The following CHD1L variants were observed in gnomAD, a reference collection of about 807,000 sequenced individuals.
CHD1L encodes chromodomain helicase DNA binding protein 1 like, also known as ATP-dependent chromatin remodeler CHD1L.
Under a neutral mutation model 115.9 loss-of-function variants are expected in CHD1L, and 118 were observed. The observed-to-expected ratio is 1.02, with a 90% confidence interval of 0.88 to 1.19. The LOEUF is 1.19. CHD1L is among the 50% of genes most tolerant of loss of function. CHD1L has a pLI of 0.00. For missense variants in CHD1L, 1,179 were observed against 1,065.3 expected (o/e 1.11, Z -1.49); for synonymous variants, 411 against 387.1 (o/e 1.06, Z -0.72).
chr1:147,223,978 A>C, the CHD1L span: 1 of 409,400 alleles, frequency 2.4e-6, no homozygotes, highest in Non-Finnish European at 4.8e-6. Context: ...GGGTTAACAC[A>C]ATCACCACCT....
chr1:147,285,630 A>T, intron 17 of CHD1L, 143 bp downstream of exon 17: 1 of 954,244 alleles, frequency 1.0e-6, no homozygotes, highest in Non-Finnish European at 1.6e-6. Context: ...TTCTGAAAAC[A>T]TTTCCTCTAG....
chr1:147,295,222 T>C (rs1553975790), intron 22 of CHD1L, among the ~76,000 whole-genome samples: 1 of 152,232 alleles, frequency 6.6e-6, no homozygotes, highest in Non-Finnish European at 1.5e-5. Flanking sequence ...TTTATGTGCT[T>C]GCACAATTCG....
At position 147,264,376 on chromosome 1, in the gene CHD1L, A is replaced by C. The variant is rs150672555; in HGVS notation, c.577-46A>C. ...GTTGTGATGGGTAACTCAGCCTTGCATTCCAGTGTTATGGAATTTTTATTT... is the reference window on the plus strand; with the variant it reads ...GTTGTGATGGGTAACTCAGCCTTGCCTTCCAGTGTTATGGAATTTTTATTT... On this transcript the variant is annotated intron_variant, in intron 6 of 22. Coordinates refer to ENST00000369258, the MANE Select transcript of CHD1L (RefSeq NM_004284.6). 4,256 of 1,506,792 alleles carry C rather than the reference A, an allele frequency of 2.8e-3. 11 individuals carry two copies. Among genetic ancestry groups the C allele is most frequent in the Non-Finnish European group, 3.5e-3 (3,897 of 1,117,416 alleles). 93.3% of individuals were successfully genotyped at this position (1,506,792 alleles called of 1,614,324 possible).
At chr1:147,250,809 G>A (rs72999623) in intron 1 of CHD1L, among the ~76,000 whole-genome samples, 1 of 151,980 alleles carries the variant, frequency 6.6e-6, no homozygotes, top group Non-Finnish European at 1.5e-5. Flanking sequence ...TGTGAGGGGT[G>A]GGGGTGGTAT....
intron 15 of CHD1L, among the ~76,000 whole-genome samples, chr1:147,281,391 C>T (rs1397351137): frequency 1.3e-5 from 2 of 152,088 alleles, no homozygotes; most frequent in Non-Finnish European, 2.9e-5. Context: ...GTTCATTTCT[C>T]TTAACTTCCA....
the CHD1L span, among the ~76,000 whole-genome samples, chr1:147,228,009 C>CT: frequency 0.021 from 3,171 of 148,448 alleles, 70 homozygotes; most frequent in African/African-American, 0.048. Context: ...ATGGAGGCCA[C>CT]TTTTTTTTTT....
the CHD1L span, chr1:147,215,383 G>A: frequency 1.2e-5 from 2 of 171,642 alleles, no homozygotes; most frequent in African/African-American, 4.7e-5. Context: ...AGTACAAAAG[G>A]GCTAAGCAGT....
chr1:147,189,513 G>A, the CHD1L span, among the ~76,000 whole-genome samples: 1 of 152,052 alleles, frequency 6.6e-6, no homozygotes, highest in Non-Finnish European at 1.5e-5. Context: ...ACCTCTTTAG[G>A]CCTGGAATGA....
chr1:147,212,346 CTG>C, the CHD1L span: 1 of 1,600,000 alleles, frequency 6.3e-7, no homozygotes, highest in African/African-American at 1.3e-5. Flanking sequence ...CTTGGAGAAA[CTG>C]AAGCTAGAGT....
chr1:147,200,697 A>T, the CHD1L span, among the ~76,000 whole-genome samples: 1 of 152,184 alleles, frequency 6.6e-6, no homozygotes, highest in Non-Finnish European at 1.5e-5. Context: ...CTAGTCTGCA[A>T]CCAGGTCTTA....
the CHD1L span, chr1:147,184,443 C>CT: frequency 3.6e-6 from 5 of 1,386,232 alleles, no homozygotes; most frequent in Non-Finnish European, 2.8e-6. This position sits in a 1 kb window ranked among gnomAD's most constrained non-coding sequence, Gnocchi z 4.4. Context: ...ACTTAAAGTT[C>CT]TTTTTCTGTT....
At chr1:147,291,014 T>C (rs1004317462) in intron 19 of CHD1L, among the ~76,000 whole-genome samples, 2 of 152,204 alleles carry the variant, frequency 1.3e-5, no homozygotes, top group African/African-American at 4.8e-5. Context: ...CACATCAGCT[T>C]ATGTAAAGCC....
At position 147,275,488 on chromosome 1, in the gene CHD1L, T is replaced by G; in HGVS notation, c.1385+20T>G. 1.3e-6 allele frequency: 2 copies of G among 1,583,076 alleles called. No individual in the cohort carries two copies. Among genetic ancestry groups the G allele is most frequent in the Non-Finnish European group, 1.7e-6 (2 of 1,151,736 alleles). ...AAACAAGTAAGTGATTTTTTTCTGCTTCCTTGGCTTGCCCAGCAGCAGTTC... is the reference window on the plus strand; with the variant it reads ...AAACAAGTAAGTGATTTTTTTCTGCGTCCTTGGCTTGCCCAGCAGCAGTTC... On this transcript the variant is annotated intron_variant, in intron 13 of 22. Coordinates refer to ENST00000369258, the MANE Select transcript of CHD1L (RefSeq NM_004284.6).
chr1:147,252,752 C>T lies in CHD1L; in HGVS notation c.240+17C>T, dbSNP rs587733875. 9.0e-6 allele frequency: 14 copies of T among 1,557,068 alleles called. No individual in the cohort carries two copies. Among genetic ancestry groups the T allele is most frequent in the East Asian group, 6.7e-5 (3 of 44,568 alleles). On this transcript the variant is annotated intron_variant, in intron 2 of 22. Transcript: ENST00000369258. The stretch of plus-strand genomic sequence containing the variant: ...ACCTGCCAGGTGTGTTACTATGCGA[C>T]GAGTACTGCTCACCGCCACTGCGAT...
the CHD1L span, among the ~76,000 whole-genome samples, chr1:147,235,916 A>G: frequency 0.58 from 88,702 of 152,086 alleles, 27,907 homozygotes; most frequent in East Asian, 0.87. Context: ...AGTTTTGCTC[A>G]AGCCTATTGG....
the CHD1L span, chr1:147,179,185 G>C: frequency 1.2e-6 from 2 of 1,614,144 alleles, no homozygotes; most frequent in Non-Finnish European, 1.7e-6. Context: ...GGATTACTTT[G>C]ATGGCAATCT....
At chr1:147,231,970 T>A in the CHD1L span, among the ~76,000 whole-genome samples, 1 of 152,238 alleles carries the variant, frequency 6.6e-6, no homozygotes, top group African/African-American at 2.4e-5. Flanking sequence ...CCCAGTGAGA[T>A]GAACCCAGTA....
chr1:147,291,758 C>T (rs769578895), intron 20 of CHD1L, among the ~76,000 whole-genome samples: 2 of 152,160 alleles, frequency 1.3e-5, no homozygotes, highest in Non-Finnish European at 2.9e-5. Context: ...AAGGTATCGG[C>T]AGGTTTGGTT....
chr1:147,184,382 T>G, the CHD1L span: 16 of 1,165,834 alleles, frequency 1.4e-5, no homozygotes, highest in Non-Finnish European at 1.7e-5. The surrounding 1 kb of genome is among the most constrained non-coding windows in gnomAD (Gnocchi z 4.4). Context: ...AAACCAATAT[T>G]GATACATTAT....
Sources: allele counts gnomAD v4.1 joint callset (sites outside exome capture counted in the v4.1 genomes callset), GRCh38; gene constraint gnomAD v4.1.1; non-coding constraint Gnocchi (gnomAD v3.1); transcripts MANE v1.5; gene names NCBI Gene and HGNC (gene_info 2026-07-23, HGNC 2026-07-21).